The following SNTG1 variants were observed in gnomAD, a reference collection of about 807,000 sequenced individuals.
SNTG1 encodes syntrophin gamma 1.
Under a neutral mutation model 74.7 loss-of-function variants are expected in SNTG1, and 39 were observed. The ratio of observed to expected loss-of-function variants is 0.52; its 90% confidence interval spans 0.40 to 0.68. SNTG1 has a LOEUF of 0.68. Ranked by LOEUF, SNTG1 falls within the 30% of genes least tolerant of loss-of-function variation. The pLI is 0.00. For synonymous variants in SNTG1, 254 were observed against 217.1 expected (o/e 1.17, Z -1.49); for missense variants, 685 against 609.5 (o/e 1.12, Z -1.30).
chr8:50,409,180 C>T (rs2092916636), intron 4 of SNTG1, among the ~76,000 whole-genome samples: 1 of 152,148 alleles, frequency 6.6e-6, no homozygotes, highest in South Asian at 2.1e-4. Flanking sequence ...ACATATTTAG[C>T]ACATCTGACT....
chr8:50,710,977 A>C (rs939400537), intron 17 of SNTG1, among the ~76,000 whole-genome samples: 1 of 152,192 alleles, frequency 6.6e-6, no homozygotes, highest in African/African-American at 2.4e-5. Flanking sequence ...GAATCTACAC[A>C]TTAATCAAGA....
At chr8:50,020,057 C>T (rs562852143) in intron 1 of SNTG1, among the ~76,000 whole-genome samples, 1 of 152,204 alleles carries the variant, frequency 6.6e-6, no homozygotes, top group African/African-American at 2.4e-5. Context: ...CTAATTGAGC[C>T]TTTTGTGCCA....
intron 15 of SNTG1, among the ~76,000 whole-genome samples, chr8:50,663,893 C>T: frequency 6.6e-6 from 1 of 152,156 alleles, no homozygotes; most frequent in Non-Finnish European, 1.5e-5. Context: ...TATCCTTGCT[C>T]TTATCTAATA....
intron 15 of SNTG1, among the ~76,000 whole-genome samples, chr8:50,683,827 T>C (rs994726335): frequency 1.3e-5 from 2 of 151,428 alleles, no homozygotes; most frequent in Non-Finnish European, 2.9e-5. Context: ...ATTTGCTTCA[T>C]TTGATTTTAT....
intron 2 of SNTG1, chr8:50,382,273 G>T (rs1358754481): frequency 6.6e-6 from 1 of 151,954 alleles, no homozygotes; most frequent in Non-Finnish European, 1.5e-5. Context: ...AGCTACAAAT[G>T]AAGTGTTTTC....
At chr8:49,944,059 A>T (rs916871782) in intron 1 of SNTG1, among the ~76,000 whole-genome samples, 1 of 152,204 alleles carries the variant, frequency 6.6e-6, no homozygotes, top group Non-Finnish European at 1.5e-5. Context: ...TAATAATTTT[A>T]AAAAATATGT....
chr8:50,329,237 G>A (rs947181703), intron 2 of SNTG1, among the ~76,000 whole-genome samples: 2 of 152,104 alleles, frequency 1.3e-5, no homozygotes, highest in Non-Finnish European at 2.9e-5. Flanking sequence ...AGTGCAAGCT[G>A]TCATTCTGGG....
At chr8:50,306,067 T>C (rs2130712032) in intron 2 of SNTG1, among the ~76,000 whole-genome samples, 1 of 137,332 alleles carries the variant, frequency 7.3e-6, no homozygotes, top group African/African-American at 3.0e-5. Context: ...CCCTTCTGAG[T>C]CTCTAAAGTC....
intron 1 of SNTG1, among the ~76,000 whole-genome samples, chr8:50,152,649 T>C (rs2082109512): frequency 6.6e-6 from 1 of 152,212 alleles, no homozygotes; most frequent in South Asian, 2.1e-4. Flanking sequence ...AGGATTTTAT[T>C]TCTCCTTCAC....
chr8:50,602,155 C>A (rs1049663738), intron 13 of SNTG1, among the ~76,000 whole-genome samples: 1 of 151,774 alleles, frequency 6.6e-6, no homozygotes, highest in Non-Finnish European at 1.5e-5. Context: ...TCTTATTTTG[C>A]TATTTGTTTT....
chr8:50,021,967 TAAAAA>T (rs1816863092), intron 1 of SNTG1, among the ~76,000 whole-genome samples: 1 of 146,760 alleles, frequency 6.8e-6, no homozygotes, highest in East Asian at 2.0e-4. Flanking sequence ...AAAATAAAAA[TAAAAA>T]GAAGAAGAAG....
At position 50,019,471 on chromosome 8, in the gene SNTG1, C is replaced by A. The variant is rs550892093; in HGVS notation, c.-103+107240C>A. On this transcript the variant is annotated intron_variant, in intron 1 of 18. Transcript: ENST00000642720. Reference sequence around the variant, plus strand: ...CCAAAGAAGCTCTTTTTACACTTCCCCCTTGTTCTTAATAAAGTCTCTTAG... The same window carrying A: ...CCAAAGAAGCTCTTTTTACACTTCCACCTTGTTCTTAATAAAGTCTCTTAG... Among the ~76,000 whole-genome samples the A allele has an allele frequency of 2.6e-5, 4 of 152,064 alleles. No homozygotes were observed. The South Asian group carries it at 8.3e-4, about 32-fold the overall frequency.
rs190300761 is a variant in SNTG1 at position 50,313,341 on chromosome 8, C to T, written c.-27-80871C>T. ...GGGTTTCATCAAACTAGAAAGCTTC[C>T]GCACTGCAAAGGAAACAATTTAACA... On this transcript the variant is annotated intron_variant, in intron 2 of 18. Transcript: ENST00000642720. 5.7e-3 allele frequency among the ~76,000 whole-genome samples: 847 copies of T among 149,548 alleles called. 16 individuals are homozygous for T. Among genetic ancestry groups the T allele is most frequent in the Non-Finnish European group, 8.5e-3 (578 of 67,886 alleles).
At chr8:50,208,434 T>C (rs1279989716) in intron 2 of SNTG1, among the ~76,000 whole-genome samples, 1 of 152,018 alleles carries the variant, frequency 6.6e-6, no homozygotes, top group African/African-American at 2.4e-5. Flanking sequence ...TCCATCCCTT[T>C]ATTTTGAGCT....
intron 17 of SNTG1, among the ~76,000 whole-genome samples, chr8:50,725,954 T>C (rs886200720): frequency 6.6e-6 from 1 of 152,210 alleles, no homozygotes. Flanking sequence ...CTCTTTAGTA[T>C]TCCACACTTG....
intron 9 of SNTG1, among the ~76,000 whole-genome samples, chr8:50,508,031 T>C (rs1336976674): frequency 6.6e-6 from 1 of 151,970 alleles, no homozygotes; most frequent in African/African-American, 2.4e-5. Flanking sequence ...ACTCATCATT[T>C]AACGTTAGAT....
chr8:50,224,881 G>A (rs978610583), intron 2 of SNTG1, among the ~76,000 whole-genome samples: 10 of 152,192 alleles, frequency 6.6e-5, no homozygotes, highest in African/African-American at 2.2e-4. Flanking sequence ...CTCTTCTGGG[G>A]AAAATCTACA....
intron 12 of SNTG1, among the ~76,000 whole-genome samples, chr8:50,554,111 T>C (rs1481828918): frequency 6.6e-6 from 1 of 152,194 alleles, no homozygotes; most frequent in African/African-American, 2.4e-5. Context: ...AGAGTAGACT[T>C]TGCTTTGAAA....
intron 2 of SNTG1, among the ~76,000 whole-genome samples, chr8:50,314,778 A>T (rs745446565): frequency 7.3e-5 from 11 of 149,974 alleles, no homozygotes; most frequent in Non-Finnish European, 1.6e-4. Context: ...ATTTCTTTTA[A>T]AAGATTTGTG....
Sources: gnomAD v4.1 joint callset for allele counts (sites outside exome capture counted in the v4.1 genomes callset) on GRCh38, gnomAD v4.1.1 for gene constraint, MANE v1.5 for transcripts, NCBI Gene and HGNC (gene_info 2026-07-23, HGNC 2026-07-21) for gene names.